PALD1: variants seen among roughly 807,000 people sequenced by gnomAD.
PALD1 encodes the protein phosphatase domain containing paladin 1.
PALD1 carries 57 observed loss-of-function variants against 96.0 expected under a neutral mutation model. The observed-to-expected ratio is 0.59, with a 90% CI of 0.48 to 0.74. The LOEUF (loss-of-function observed/expected upper bound fraction) is 0.74. Among genes scored for constraint, PALD1 ranks in the 30% least tolerant of loss-of-function variants. PALD1 has a pLI of 0.00. For synonymous variants in PALD1, 464 were observed against 473.6 expected (o/e 0.98, Z 0.26); for missense variants, 1,063 against 1,143.7 (o/e 0.93, Z 1.02).
intron 1 of PALD1, among the ~76,000 whole-genome samples, chr10:70,521,867 C>A (rs1846743289): frequency 1.3e-5 from 2 of 151,630 alleles, no homozygotes; most frequent in South Asian, 4.2e-4. Context: ...GACCCCCAAG[C>A]AGAAGCCCAT....
At chr10:70,473,701 A>G in the PALD1 span, among the ~76,000 whole-genome samples, 1 of 151,716 alleles carries the variant, frequency 6.6e-6, no homozygotes, top group Non-Finnish European at 1.5e-5. Flanking sequence ...GCTGGAGTGC[A>G]GTGGTGTGAT....
Position 70,538,820 on chromosome 10 carries a change from G to A in PALD1, c.1453-72G>A, listed in dbSNP as rs1324056024. ...TTCCACCCCACCCCCCGTCTGCCTTGGGCCAGGTCCTGACCCTTTCTGCGG... is the reference window on the plus strand; with the variant it reads ...TTCCACCCCACCCCCCGTCTGCCTTAGGCCAGGTCCTGACCCTTTCTGCGG... On this transcript the variant is annotated intron_variant, in intron 12 of 19. Transcript: ENST00000263563. The A allele has an allele frequency of 5.3e-6, 7 of 1,310,678 alleles. No homozygotes were observed. The East Asian group carries it at 1.6e-4, about 30-fold the overall frequency. The allele number at this position is 1,310,678 out of a possible 1,614,324, so 81.2% of individuals were successfully genotyped here.
chr10:70,532,605 CCA>C lies in PALD1; in HGVS notation c.634-12_634-11del. The C allele has an allele frequency of 6.2e-7, 1 of 1,612,380 alleles. No homozygotes were observed. The highest frequency in any genetic ancestry group is 8.5e-7 in the Non-Finnish European group (1 of 1,179,016). Reference sequence around the variant, plus strand: ...AGTTCAGGCCATGGCCCTCTGACCCCCACACCTCCCTCTAGATCCACGACTTT... The same window carrying C: ...AGTTCAGGCCATGGCCCTCTGACCCCCACCTCCCTCTAGATCCACGACTTT... On this transcript the variant is annotated splice_polypyrimidine_tract_variant and intron_variant, in intron 5 of 19. Coordinates refer to ENST00000263563, the MANE Select transcript of PALD1 (RefSeq NM_014431.3).
chr10:70,559,330 G>C (rs1396401384), intron 18 of PALD1, among the ~76,000 whole-genome samples: 1 of 152,266 alleles, frequency 6.6e-6, no homozygotes, highest in African/African-American at 2.4e-5. Flanking sequence ...CAGAGCTAGG[G>C]AACTGGAGGG....
chr10:70,515,602 G>T (rs74139673), intron 1 of PALD1, among the ~76,000 whole-genome samples: 2,050 of 152,324 alleles, frequency 0.013, 47 homozygotes, highest in African/African-American at 0.046. Flanking sequence ...GCCATGGTGT[G>T]GGGGGATGAG....
At position 70,554,041 on chromosome 10, in the gene PALD1, G is replaced by A. The variant is rs182054859; in HGVS notation, c.2262+6595G>A. On this transcript the variant is annotated intron_variant, in intron 18 of 19. Coordinates refer to ENST00000263563, the MANE Select transcript of PALD1 (RefSeq NM_014431.3). ...CCGACTTCACGGGGCTGCAGCCCAC[G>A]GCGGTGCCCCTCTGTTCTCCAGTGT... Among the ~76,000 whole-genome samples the A allele has an allele frequency of 1.1e-4, 17 of 152,324 alleles. No homozygotes were observed. The East Asian group carries it at 3.1e-3, about 28-fold the overall frequency.
At chr10:70,462,530 C>A in the PALD1 span, among the ~76,000 whole-genome samples, 1 of 152,236 alleles carries the variant, frequency 6.6e-6, no homozygotes, top group Non-Finnish European at 1.5e-5. Context: ...CCAGTCTCAG[C>A]TGGGGAGAGG....
At chr10:70,495,633 G>A (rs1388410515) in intron 1 of PALD1, among the ~76,000 whole-genome samples, 2 of 152,118 alleles carry the variant, frequency 1.3e-5, no homozygotes, top group Non-Finnish European at 2.9e-5. Context: ...GGGCTTGGAT[G>A]GGGATGGGAA....
chr10:70,560,871 A>G (rs1268641556), intron 18 of PALD1, among the ~76,000 whole-genome samples: 1 of 152,076 alleles, frequency 6.6e-6, no homozygotes, highest in Admixed American at 6.5e-5. Context: ...CAGGCCGTAT[A>G]TAAACAGCTC....
chr10:70,525,798 TGCCTCTGTCTCCA>T, intron 1 of PALD1, 112 bp from the exon 2 acceptor site: 1 of 726,808 alleles, frequency 1.4e-6, no homozygotes, highest in Non-Finnish European at 2.3e-6. Context: ...GAGGCAAGCC[TGCCTCTGTCTCCA>T]GCTGCAGAGT....
intron 1 of PALD1, among the ~76,000 whole-genome samples, chr10:70,496,425 A>C (rs993402806): frequency 2.6e-5 from 4 of 151,560 alleles, no homozygotes; most frequent in African/African-American, 9.7e-5. Context: ...CCTTTCCCCC[A>C]CCCTGCCACC....
intron 1 of PALD1, among the ~76,000 whole-genome samples, chr10:70,509,217 G>A (rs548708934): frequency 1.3e-5 from 2 of 152,262 alleles, no homozygotes; most frequent in Admixed American, 6.5e-5. Context: ...CCTAGTGTCC[G>A]TTGGGAAAGC....
intron 18 of PALD1, among the ~76,000 whole-genome samples, chr10:70,552,116 G>C (rs1847493096): frequency 6.6e-6 from 1 of 152,234 alleles, no homozygotes; most frequent in Non-Finnish European, 1.5e-5. Flanking sequence ...GGCGGACACT[G>C]AGTAGGGACC....
In PALD1 at chr10:70,529,379, T is replaced by A. The variant is rs760893392; in HGVS notation, c.288+48T>A. 5.8e-6 allele frequency: 5 copies of A among 855,532 alleles called. No individual in the cohort carries two copies. In the African/African-American group the frequency reaches 8.1e-5, roughly 14 times the overall value. 53.0% of individuals were successfully genotyped at this position (855,532 alleles called of 1,614,324 possible). A position where few individuals can be genotyped will look rare whatever the true frequency, so the allele number is the denominator to read the frequency against. ...CAGCCCGCCTGCTGCCTCCCACCCC[T>A]ATCTCTCATGAATTCCCTCCCTCAC... On this transcript the variant is annotated intron_variant, in intron 3 of 19. Coordinates refer to ENST00000263563, the MANE Select transcript of PALD1 (RefSeq NM_014431.3).
intron 1 of PALD1, among the ~76,000 whole-genome samples, chr10:70,517,976 T>C (rs554241058): frequency 6.6e-6 from 1 of 152,306 alleles, no homozygotes; most frequent in East Asian, 1.9e-4. Flanking sequence ...CAATCTCGGC[T>C]TACTGCAACC....
At chr10:70,557,056 A>T (rs1051534495) in intron 18 of PALD1, among the ~76,000 whole-genome samples, 4 of 152,228 alleles carry the variant, frequency 2.6e-5, no homozygotes, top group Non-Finnish European at 5.9e-5. Context: ...ATTAACTATT[A>T]GTCTTCCAGG....
In PALD1 at chr10:70,532,603, C is replaced by T. The variant is rs780554144; in HGVS notation, c.634-18C>T. ...GAAGTTCAGGCCATGGCCCTCTGAC[C>T]CCCACACCTCCCTCTAGATCCACGA... On this transcript the variant is annotated intron_variant, in intron 5 of 19. Coordinates refer to ENST00000263563, the MANE Select transcript of PALD1 (RefSeq NM_014431.3). 2 of 1,611,778 alleles carry T rather than the reference C, an allele frequency of 1.2e-6. No homozygotes were observed. The highest frequency in any genetic ancestry group is 3.3e-5 in the Admixed American group (2 of 59,926).
At chr10:70,497,216 AG>A (rs1846209285) in intron 1 of PALD1, among the ~76,000 whole-genome samples, 1 of 152,246 alleles carries the variant, frequency 6.6e-6, no homozygotes, top group African/African-American at 2.4e-5. Flanking sequence ...ATCAGCACAT[AG>A]GGGCTGTACT....
intron 1 of PALD1, among the ~76,000 whole-genome samples, chr10:70,521,308 G>C (rs1285577229): frequency 6.6e-6 from 1 of 152,152 alleles, no homozygotes; most frequent in Non-Finnish European, 1.5e-5. Flanking sequence ...CTGAGGGGCA[G>C]TTGTCAACTG....
Sources: allele counts gnomAD v4.1 joint callset (sites outside exome capture counted in the v4.1 genomes callset), GRCh38; gene constraint gnomAD v4.1.1; transcripts MANE v1.5; gene names NCBI Gene and HGNC (gene_info 2026-07-23, HGNC 2026-07-21).